The following PLN variants were observed in gnomAD, a reference collection of about 807,000 sequenced individuals.
PLN encodes the protein phospholamban, also known as cardiac phospholamban.
A neutral mutation model predicts 3.9 loss-of-function variants in PLN; 1 was observed. The observed-to-expected ratio is 0.26, with a 90% CI of 0.09 to 1.23. The LOEUF (loss-of-function observed/expected upper bound fraction) is 1.23. Among genes scored for constraint, PLN ranks in the 50% most tolerant of loss-of-function variants. The pLI is 0.48. For synonymous variants in PLN, 21 were observed against 20.5 expected (o/e 1.02, Z -0.07); for missense variants, 59 against 62.7 (o/e 0.94, Z 0.20).
At chr6:118,553,156 A>G (rs1778648755) in intron 1 of PLN, among the ~76,000 whole-genome samples, 1 of 151,094 alleles carries the variant, frequency 6.6e-6, no homozygotes, top group African/African-American at 2.4e-5. Flanking sequence ...AAACTAAACT[A>G]TTTTTGTATG....
intron 1 of PLN, among the ~76,000 whole-genome samples, chr6:118,548,670 T>C (rs1778351747): frequency 6.6e-6 from 1 of 152,128 alleles, no homozygotes; most frequent in Admixed American, 6.5e-5. Flanking sequence ...TATTTTGCTT[T>C]TCAAATGTGA....
chr6:118,554,878 T>C (rs1291739505), intron 1 of PLN, among the ~76,000 whole-genome samples: 7 of 152,170 alleles, frequency 4.6e-5, no homozygotes, highest in African/African-American at 7.2e-5. Flanking sequence ...GGAGTATTTA[T>C]GGAAAGGTGA....
intron 1 of PLN, among the ~76,000 whole-genome samples, 169 bp from the exon 2 acceptor site, chr6:118,558,656 C>CAG (rs1413401167): frequency 6.1e-4 from 82 of 133,936 alleles, no homozygotes; most frequent in Middle Eastern, 3.6e-3. Flanking sequence ...CACACACACA[C>CAG]ACACAGAGAG....
At chr6:118,553,358 C>T (rs2114939749) in intron 1 of PLN, among the ~76,000 whole-genome samples, 1 of 152,132 alleles carries the variant, frequency 6.6e-6, no homozygotes, top group East Asian at 1.9e-4. Flanking sequence ...GTTCCCACAA[C>T]AAAGGTTTTC....
Position 118,552,347 on chromosome 6 carries a change from G to T in PLN, c.-98+3955G>T, listed in dbSNP as rs141386776. 2.7e-3 allele frequency among the ~76,000 whole-genome samples: 412 copies of T among 152,128 alleles called. 2 individuals carry two copies. Among genetic ancestry groups the T allele is most frequent in the African/African-American group, 9.4e-3 (391 of 41,556 alleles). Reference sequence around the variant, plus strand: ...AGTGAACATACTTAAAGTATAGATGGAGATTAATGCTCAGCATATACAACA... The same window carrying T: ...AGTGAACATACTTAAAGTATAGATGTAGATTAATGCTCAGCATATACAACA... On this transcript the variant is annotated intron_variant, in intron 1 of 1. Transcript: ENST00000357525.
chr6:118,550,515 G>A (rs185066910), intron 1 of PLN, among the ~76,000 whole-genome samples: 14 of 151,848 alleles, frequency 9.2e-5, no homozygotes, highest in Admixed American at 7.9e-4. Flanking sequence ...ATATACTCGT[G>A]TACACAAATA....
Position 118,560,015 on chromosome 6 carries a change from C to G in PLN, c.*935C>G, listed in dbSNP as rs1010752822. ...TTTGCAGGTTGTCTTCCATTCCAGC[C>G]TAACATCCAATGCAGGCAAGGAAAA... On this transcript the variant is annotated 3_prime_UTR_variant, in exon 2 of 2. Coordinates refer to ENST00000357525, the MANE Select transcript of PLN (RefSeq NM_002667.5). 4.2e-5 allele frequency: 7 copies of G among 167,032 alleles called. No individual in the cohort carries two copies. The highest frequency in any genetic ancestry group is 1.4e-4 in the African/African-American group (6 of 41,432). The allele number at this position is 167,032 out of a possible 1,614,324, so 10.3% of individuals were successfully genotyped here.
intron 1 of PLN, among the ~76,000 whole-genome samples, chr6:118,550,378 ATAT>A (rs947304446): frequency 2.0e-5 from 3 of 151,836 alleles, no homozygotes; most frequent in Non-Finnish European, 4.4e-5. Context: ...ATTATGTAAT[ATAT>A]TAAATTTTTA....
At chr6:118,557,479 G>A (rs1158301243) in intron 1 of PLN, among the ~76,000 whole-genome samples, 1 of 152,182 alleles carries the variant, frequency 6.6e-6, no homozygotes, top group African/African-American at 2.4e-5. Context: ...TGTGGGGCTT[G>A]CATATTCTCC....
In PLN at chr6:118,551,199, T is replaced by C. The variant is rs35599872; in HGVS notation, c.-98+2807T>C. 3.4e-3 allele frequency among the ~76,000 whole-genome samples: 514 copies of C among 151,992 alleles called. 2 individuals carry two copies. Among genetic ancestry groups the C allele is most frequent in the South Asian group, 5.8e-3 (28 of 4,816 alleles). On this transcript the variant is annotated intron_variant, in intron 1 of 1. Transcript: ENST00000357525. The stretch of plus-strand genomic sequence containing the variant: ...TTTCAAAGTTCTTACCCAGAGTAAT[T>C]CTGAAGCATGTGTTACCAAATAAAC...
At chr6:118,558,415 G>A (rs1007229197) in intron 1 of PLN, among the ~76,000 whole-genome samples, 3 of 152,062 alleles carry the variant, frequency 2.0e-5, no homozygotes, top group Non-Finnish European at 2.9e-5. Flanking sequence ...TCAGCCTAGG[G>A]TAAAAATGGT....
intron 1 of PLN, among the ~76,000 whole-genome samples, chr6:118,550,477 T>C (rs1469576966): frequency 6.6e-6 from 1 of 151,874 alleles, no homozygotes; most frequent in Admixed American, 6.6e-5. Flanking sequence ...TGAACACTTC[T>C]TTTTTATTCT....
At chr6:118,552,774 C>CA (rs1197560385) in intron 1 of PLN, among the ~76,000 whole-genome samples, 1 of 151,822 alleles carries the variant, frequency 6.6e-6, no homozygotes, top group Non-Finnish European at 1.5e-5. Context: ...TCTCATTCCC[C>CA]TAAAAAGTAG....
intron 1 of PLN, among the ~76,000 whole-genome samples, chr6:118,556,325 G>T (rs1169620093): frequency 3.9e-5 from 6 of 152,114 alleles, no homozygotes; most frequent in African/African-American, 1.4e-4. Context: ...ACTCTTTAAG[G>T]AAAGAAAATT....
intron 1 of PLN, among the ~76,000 whole-genome samples, chr6:118,550,291 AT>A (rs1778466686): frequency 6.6e-6 from 1 of 151,890 alleles, no homozygotes; most frequent in Non-Finnish European, 1.5e-5. Context: ...ATAATAAAAT[AT>A]TGCATAAATA....
rs1438178144 is a variant in PLN, at chr6:118,560,650, T to A, written c.*1570T>A. On this transcript the variant is annotated 3_prime_UTR_variant, in exon 2 of 2. Transcript: ENST00000357525. ...TCCTCTATCAACCAAATGGTAAGCA[T>A]CTATTTTGCAGTCCACTCTACTGAG... The A allele has an allele frequency of 1.2e-5, 2 of 166,984 alleles. No individual in the cohort carries two copies. The highest frequency in any genetic ancestry group is 2.9e-5 in the Non-Finnish European group (2 of 68,100). The allele number at this position is 166,984 out of a possible 1,614,324, so 10.3% of individuals were successfully genotyped here. A position where few individuals can be genotyped will look rare whatever the true frequency, so the allele number is the denominator to read the frequency against.
At chr6:118,554,115 C>T (rs1051883228) in intron 1 of PLN, among the ~76,000 whole-genome samples, 1 of 152,094 alleles carries the variant, frequency 6.6e-6, no homozygotes, top group Admixed American at 6.5e-5. Flanking sequence ...CAGTGAAACC[C>T]TGTCCCTACC....
intron 1 of PLN, among the ~76,000 whole-genome samples, chr6:118,549,346 G>A (rs1778398075): frequency 6.6e-6 from 1 of 151,752 alleles, no homozygotes; most frequent in African/African-American, 2.4e-5. Context: ...TATGACTTCT[G>A]TTTGAATTCT....
intron 1 of PLN, among the ~76,000 whole-genome samples, chr6:118,552,117 A>G (rs1778583395): frequency 6.6e-6 from 1 of 152,080 alleles, no homozygotes; most frequent in African/African-American, 2.4e-5. Context: ...ATCCTAGAGT[A>G]TATCAGACTG....
Sources: gnomAD v4.1 joint callset for allele counts (sites outside exome capture counted in the v4.1 genomes callset) on GRCh38, gnomAD v4.1.1 for gene constraint, MANE v1.5 for transcripts, NCBI Gene and HGNC (gene_info 2026-07-23, HGNC 2026-07-21) for gene names.